PDE4D: variants seen among roughly 807,000 people sequenced by gnomAD.
The protein encoded by PDE4D is phosphodiesterase 4D.
Under a neutral mutation model 87.4 loss-of-function variants are expected in PDE4D, and 24 were observed. The ratio of observed to expected loss-of-function variants is 0.27; its 90% CI spans 0.20 to 0.39. The LOEUF (loss-of-function observed/expected upper bound fraction) is 0.39, where lower values mean the gene tolerates loss of function less well. PDE4D is among the 10% of genes least tolerant of loss of function. The pLI is 1.00. For synonymous variants in PDE4D, 384 were observed against 383.2 expected, an observed-to-expected ratio of 1.00 and a Z score of -0.02; for missense variants, 714 against 1,041.0, an observed-to-expected ratio of 0.69 and a Z score of 4.32.
chr5:60,067,994 A>C (rs188476566), intron 2 of PDE4D, among the ~76,000 whole-genome samples: 1 of 152,300 alleles, frequency 6.6e-6, no homozygotes, highest in Admixed American at 6.5e-5. Context: ...AGTTGTTTCT[A>C]AATCTTAACT....
intron 3 of PDE4D, among the ~76,000 whole-genome samples, chr5:59,186,976 A>G (rs1484856973): frequency 6.6e-6 from 1 of 152,216 alleles, no homozygotes; most frequent in Non-Finnish European, 1.5e-5. Context: ...GTGAATATCA[A>G]ACATACTAAT....
intron 1 of PDE4D, among the ~76,000 whole-genome samples, chr5:59,609,399 C>CACACACACACACACACAT (rs1291122998): frequency 2.6e-5 from 4 of 151,130 alleles, no homozygotes; most frequent in Admixed American, 1.3e-4. Context: ...CACACACACA[C>CACACACACACACACACAT]ATATATATAT....
At chr5:60,054,535 G>T (rs542382821) in intron 2 of PDE4D, among the ~76,000 whole-genome samples, 2 of 152,226 alleles carry the variant, frequency 1.3e-5, no homozygotes, top group South Asian at 4.1e-4. Context: ...CTGTCGGTGG[G>T]TGGAGACTAG....
intron 1 of PDE4D, among the ~76,000 whole-genome samples, chr5:59,348,623 C>T (rs1174586533): frequency 1.1e-4 from 14 of 130,056 alleles, no homozygotes; most frequent in South Asian, 2.5e-4. Flanking sequence ...CACTTCAAAG[C>T]TTTTTTTTTT....
chr5:60,447,812 G>A (rs539222609), intron 1 of PDE4D, among the ~76,000 whole-genome samples: 3 of 152,262 alleles, frequency 2.0e-5, no homozygotes, highest in South Asian at 4.1e-4. Context: ...CATCGGCAGC[G>A]AGAAGTTGCT....
At chr5:59,143,022 A>T (rs1027364778) in intron 5 of PDE4D, among the ~76,000 whole-genome samples, 41 of 152,302 alleles carry the variant, frequency 2.7e-4, no homozygotes, top group African/African-American at 7.5e-4. Context: ...TTTTATTTTT[A>T]AAAAATAACA....
rs761438247 is a variant in PDE4D at position 59,038,895 on chromosome 5, C to T, written c.885G>A (p.Gln295=). The part of the protein sequence containing the change: ...DWCLDQLETL[Q]TRHSVSEMAS... ...CCATCTCACTGACGGAGTGCCTGGT[C>T]TGTAGGGTCTCTAGCTGGTCCAGAC... The change falls in exon 6 of 15, where the codon CAG becomes CAA. Residue 295 remains glutamine, a synonymous_variant. Coordinates refer to ENST00000340635, the MANE Select transcript of PDE4D (RefSeq NM_001104631.2). 6.3e-7 allele frequency: 1 copy of T among 1,599,276 alleles called. No homozygotes were observed.
At chr5:59,038,725 A>G (rs1580453584) in intron 6 of PDE4D, 134 bp downstream of exon 6, 1 of 791,128 alleles carries the variant, frequency 1.3e-6, no homozygotes, top group Non-Finnish European at 1.8e-6. Context: ...CCTCCCTCTA[A>G]GGAGCAGAAT....
chr5:58,976,521 C>A (rs189050720), intron 12 of PDE4D, 49 bp from the exon 13 acceptor site: 2 of 1,368,048 alleles, frequency 1.5e-6, no homozygotes, highest in East Asian at 2.5e-5. Flanking sequence ...AGAATTTACA[C>A]ATGAAAATAT....
intron 1 of PDE4D, among the ~76,000 whole-genome samples, chr5:59,650,505 A>G (rs1743270748): frequency 6.6e-6 from 1 of 152,196 alleles, no homozygotes; most frequent in South Asian, 2.1e-4. Flanking sequence ...AATGACAAGT[A>G]TCCTGAATTG....
chr5:59,200,013 A>ATATACACATGCATACATG (rs1746480461), intron 2 of PDE4D, among the ~76,000 whole-genome samples: 2 of 118,108 alleles, frequency 1.7e-5, no homozygotes, highest in Non-Finnish European at 2.0e-5. Flanking sequence ...CAACATACAT[A>ATATACACATGCATACATG]CATGCACATA....
intron 1 of PDE4D, among the ~76,000 whole-genome samples, chr5:59,680,067 T>A (rs1748749480): frequency 1.3e-5 from 2 of 152,276 alleles, no homozygotes; most frequent in South Asian, 4.1e-4. Context: ...TTATCCATTT[T>A]TAAAGTTAGG....
chr5:60,124,486 C>T (rs1191975542), intron 2 of PDE4D, among the ~76,000 whole-genome samples: 2 of 151,988 alleles, frequency 1.3e-5, no homozygotes, highest in Non-Finnish European at 2.9e-5. Flanking sequence ...AATCAGAAAA[C>T]AATTTTTCTC....
Position 58,977,343 on chromosome 5 carries a change from A to T in PDE4D, c.1555T>A (p.Ser519Thr). ...TCATTGTACATCAAGGCAAGTTCAGAGTCTGTAAAAAAGACAAAAGGCCAA... is the reference window on the plus strand; with the variant it reads ...TCATTGTACATCAAGGCAAGTTCAGTGTCTGTAAAAAAGACAAAAGGCCAA... The part of the protein sequence containing the change: ...VSNQFLINTN[S>T]ELALMYNDSS... The change falls in exon 12 of 15, where the codon TCT becomes ACT. Residue 519 changes from serine (S) to threonine (T), a missense_variant and splice_region_variant. Ser to Thr is a moderately conservative substitution (Grantham distance 58). Transcript: ENST00000340635. 11 of 1,604,190 alleles carry T rather than the reference A, an allele frequency of 6.9e-6. No homozygotes were observed. The highest frequency in any genetic ancestry group is 9.3e-6 in the Non-Finnish European group (11 of 1,177,730).
chr5:59,185,865 C>A (rs185555236), intron 3 of PDE4D, among the ~76,000 whole-genome samples: 23 of 152,298 alleles, frequency 1.5e-4, no homozygotes, highest in Admixed American at 1.3e-3. Context: ...CAATGCTTGG[C>A]ACACAGAAGA....
intron 1 of PDE4D, among the ~76,000 whole-genome samples, chr5:59,283,638 C>T (rs1485758088): frequency 6.6e-6 from 1 of 152,082 alleles, no homozygotes; most frequent in Non-Finnish European, 1.5e-5. Flanking sequence ...CACTTTGTTT[C>T]CCCTGCCTGG....
chr5:58,999,809 A>C (rs1424951214), intron 6 of PDE4D: 1 of 998,898 alleles, frequency 1.0e-6, no homozygotes, highest in African/African-American at 1.7e-5. Context: ...TGATAAAGGA[A>C]TATCTAAAGA....
chr5:59,811,954 A>G (rs1347723683), intron 1 of PDE4D, among the ~76,000 whole-genome samples: 1 of 152,246 alleles, frequency 6.6e-6, no homozygotes, highest in Admixed American at 6.5e-5. Flanking sequence ...GCCCAGAAGT[A>G]CATTACTTTC....
intron 1 of PDE4D, among the ~76,000 whole-genome samples, chr5:59,326,866 G>A (rs528904229): frequency 1.3e-5 from 2 of 152,014 alleles, no homozygotes; most frequent in East Asian, 1.9e-4. Flanking sequence ...TTTCCAATTC[G>A]CATATATTTA....
Sources: gnomAD v4.1 joint callset for allele counts (sites outside exome capture counted in the v4.1 genomes callset) on GRCh38, gnomAD v4.1.1 for gene constraint, MANE v1.5 for transcripts, NCBI Gene and HGNC (gene_info 2026-07-23, HGNC 2026-07-21) for gene names.